PCDH15: variants seen among roughly 807,000 people sequenced by gnomAD.
The protein encoded by PCDH15 is protocadherin-15.
PCDH15 carries 129 observed loss-of-function variants against 178.5 expected under a neutral mutation model. The ratio of observed to expected loss-of-function variants is 0.72; its 90% CI spans 0.63 to 0.84. The LOEUF (loss-of-function observed/expected upper bound fraction) is 0.84, where lower values mean the gene tolerates loss of function less well. Among genes scored for constraint, PCDH15 ranks in the 40% least tolerant of loss-of-function variants. The probability of loss-of-function intolerance (pLI) is 0.00; values close to 1 mark genes in which losing one functional copy is unlikely to be tolerated. For synonymous variants in PCDH15, 800 were observed against 732.0 expected (o/e 1.09, Z -1.50); for missense variants, 2,230 against 2,099.9 (o/e 1.06, Z -1.21).
Position 55,222,730 on chromosome 10 carries a change from C to CACACACACACACACATAT in PCDH15, c.-155-56080_-155-56079insATATGTGTGTGTGTGTGT. Among the ~76,000 whole-genome samples the CACACACACACACACATAT allele has an allele frequency of 7.8e-4, 95 of 121,148 alleles. 1 individual carries two copies. Among genetic ancestry groups the CACACACACACACACATAT allele is most frequent in the Non-Finnish European group, 1.2e-3 (70 of 59,024 alleles). The allele number at this position is 121,148 out of a possible 152,430, so 79.5% of individuals were successfully genotyped here. On this transcript the variant is annotated intron_variant, in intron 1 of 5. Transcript: ENST00000458638. Reference sequence around the variant, plus strand: ...CTTTATACACACACACACACACACACATATATATATATATATATATATATA... The same window carrying CACACACACACACACATAT: ...CTTTATACACACACACACACACACACACACACACACACACATATATATATATATATATATATATATATA...
rs557779103 is a variant in PCDH15 at position 54,537,673 on chromosome 10, C to CATA, written c.92-9799_92-9797dup. Among the ~76,000 whole-genome samples, 250 of 152,042 alleles carry CATA rather than the reference C, an allele frequency of 1.6e-3. 1 individual carries two copies. The highest frequency in any genetic ancestry group is 5.9e-3 in the African/African-American group (243 of 41,460). ...CATGGACAAAATTAAAACCAAAAAC[C>CATA]ATAAGGTTTTTGAGAATCTCCAAAT... On this transcript the variant is annotated intron_variant, in intron 2 of 37. Transcript: ENST00000644397.
At chr10:55,086,394 C>A (rs1372892549) in intron 2 of PCDH15, among the ~76,000 whole-genome samples, 2 of 151,912 alleles carry the variant, frequency 1.3e-5, no homozygotes, top group Admixed American at 6.6e-5. Flanking sequence ...ATAAACAAAT[C>A]AAAAATGTAA....
In PCDH15 at chr10:55,164,832, C is replaced by T. The variant is rs138346888; in HGVS notation, c.-80+1744G>A. Among the ~76,000 whole-genome samples, 520 of 152,128 alleles carry T rather than the reference C, an allele frequency of 3.4e-3. 7 individuals are homozygous for T. The highest frequency in any genetic ancestry group is 0.011 in the African/African-American group (471 of 41,532). On this transcript the variant is annotated intron_variant, in intron 2 of 5. Coordinates refer to the PCDH15 transcript ENST00000458638. ...TCATCATTTGTACACACTCTTACTA[C>T]GCAAGCGGATTGAAAAGGTGTACGT...
At chr10:55,356,578 T>A (rs545774462) in intron 2 of PCDH15, among the ~76,000 whole-genome samples, 1 of 151,990 alleles carries the variant, frequency 6.6e-6, no homozygotes, top group African/African-American at 2.4e-5. Flanking sequence ...AAACACAGAA[T>A]TGATTCGTTC....
chr10:55,061,811 A>G (rs1841441979), intron 2 of PCDH15, among the ~76,000 whole-genome samples: 1 of 152,124 alleles, frequency 6.6e-6, no homozygotes. Context: ...CACGAGGTCA[A>G]GAGATTGAGA....
At chr10:55,622,100 ATATATTATATATAT>A (rs1837409935) in intron 2 of PCDH15, among the ~76,000 whole-genome samples, 4 of 69,520 alleles carry the variant, frequency 5.8e-5, no homozygotes, top group Non-Finnish European at 1.2e-4. Flanking sequence ...TATAATGTAT[ATATATTATATATAT>A]CTATAAATAT....
Position 54,938,249 on chromosome 10 carries a change from G to T in PCDH15, c.-79-40749C>A, listed in dbSNP as rs940621218. Among the ~76,000 whole-genome samples the T allele has an allele frequency of 2.0e-5, 3 of 150,154 alleles. No homozygotes were observed. In the Admixed American group the frequency reaches 2.0e-4, roughly 10 times the overall value. ...AATTTTTTTGTCTATATTCATTAAAGATATTACTTTATAGTTTTACTTACT... is the reference window on the plus strand; with the variant it reads ...AATTTTTTTGTCTATATTCATTAAATATATTACTTTATAGTTTTACTTACT... On this transcript the variant is annotated intron_variant, in intron 2 of 5. Coordinates refer to the PCDH15 transcript ENST00000458638.
intron 2 of PCDH15, among the ~76,000 whole-genome samples, chr10:55,576,400 G>A (rs1417470609): frequency 6.6e-6 from 1 of 152,142 alleles, no homozygotes; most frequent in African/African-American, 2.4e-5. Flanking sequence ...TCTGTTTCAT[G>A]GGTGGCAGAG....
At chr10:54,296,073 A>C (rs2059750649) in intron 8 of PCDH15, among the ~76,000 whole-genome samples, 1 of 131,926 alleles carries the variant, frequency 7.6e-6, no homozygotes, top group African/African-American at 2.9e-5. Flanking sequence ...TGAACCCGGG[A>C]GGCGGAGCTT....
chr10:55,372,614 A>C (rs1170457644), intron 2 of PCDH15, among the ~76,000 whole-genome samples: 1 of 152,148 alleles, frequency 6.6e-6, no homozygotes, highest in African/African-American at 2.4e-5. Flanking sequence ...CACATGCTTC[A>C]TCCAAATTCC....
At chr10:54,973,373 A>T (rs1383318624) in intron 2 of PCDH15, among the ~76,000 whole-genome samples, 3 of 152,144 alleles carry the variant, frequency 2.0e-5, no homozygotes, top group Admixed American at 1.3e-4. Context: ...ACCATTAGAG[A>T]TTAAATTTTT....
At chr10:54,053,393 G>C (rs1008964038) in intron 18 of PCDH15, among the ~76,000 whole-genome samples, 7 of 152,072 alleles carry the variant, frequency 4.6e-5, no homozygotes, top group Non-Finnish European at 7.4e-5. Flanking sequence ...GCCAAGCGTT[G>C]GGCTATGTAG....
intron 2 of PCDH15, among the ~76,000 whole-genome samples, chr10:55,519,300 A>AAC (rs397956142): frequency 0.045 from 6,712 of 148,974 alleles, 232 homozygotes; most frequent in Non-Finnish European, 0.073. Flanking sequence ...AAAAAAAAAA[A>AAC]CCCAATAGAT....
At chr10:54,498,039 T>A (rs1419430016) in intron 3 of PCDH15, among the ~76,000 whole-genome samples, 1 of 151,222 alleles carries the variant, frequency 6.6e-6, no homozygotes, top group Non-Finnish European at 1.5e-5. Flanking sequence ...AGAAAAAAAA[T>A]ATTAAAGGAA....
chr10:55,580,011 C>G (rs779081107), intron 2 of PCDH15, among the ~76,000 whole-genome samples: 30 of 152,016 alleles, frequency 2.0e-4, no homozygotes, highest in Admixed American at 5.2e-4. Flanking sequence ...CACCTGCCAC[C>G]ACGCCTGGCT....
chr10:53,990,393 A>AT (rs2091383739), intron 21 of PCDH15, among the ~76,000 whole-genome samples: 1 of 151,716 alleles, frequency 6.6e-6, no homozygotes, highest in African/African-American at 2.4e-5. Flanking sequence ...TTTAAAGTCC[A>AT]TAACTATTAA....
At chr10:55,067,341 T>G (rs1321980010) in intron 2 of PCDH15, among the ~76,000 whole-genome samples, 1 of 152,006 alleles carries the variant, frequency 6.6e-6, no homozygotes, top group African/African-American at 2.4e-5. Context: ...GTGTTTGTCT[T>G]TTTGTGCCTG....
chr10:54,896,753 G>T (rs970156573), intron 3 of PCDH15, among the ~76,000 whole-genome samples: 4 of 151,996 alleles, frequency 2.6e-5, no homozygotes, highest in Admixed American at 6.6e-5. Context: ...AAAGAGAAAA[G>T]AGCCACAAAT....
At chr10:54,566,933 C>A (rs2089138311) in intron 2 of PCDH15, among the ~76,000 whole-genome samples, 1 of 152,132 alleles carries the variant, frequency 6.6e-6, no homozygotes, top group Non-Finnish European at 1.5e-5. Flanking sequence ...GGCACTGTGT[C>A]ATTTTGCAGT....
Sources: gnomAD v4.1 joint callset for allele counts (sites outside exome capture counted in the v4.1 genomes callset) on GRCh38, gnomAD v4.1.1 for gene constraint, MANE v1.5 for transcripts, NCBI Gene and HGNC (gene_info 2026-07-23, HGNC 2026-07-21) for gene names.